SLC26A3: variants seen among roughly 807,000 people sequenced by gnomAD.
SLC26A3 encodes solute carrier family 26 member 3.
A neutral mutation model predicts 85.6 loss-of-function variants in SLC26A3; 64 were observed. The ratio of observed to expected loss-of-function variants is 0.75; its 90% CI spans 0.61 to 0.92. The LOEUF (loss-of-function observed/expected upper bound fraction) is 0.92. Ranked by LOEUF, SLC26A3 falls within the 40% of genes least tolerant of loss-of-function variation. SLC26A3 has a pLI of 0.00. For synonymous variants in SLC26A3, 349 were observed against 336.0 expected, an observed-to-expected ratio of 1.04 and a Z score of -0.42; for missense variants, 922 against 927.3, an observed-to-expected ratio of 0.99 and a Z score of 0.07.
chr7:107,790,110 T>C (rs1794367658), intron 5 of SLC26A3, among the ~76,000 whole-genome samples: 1 of 152,240 alleles, frequency 6.6e-6, no homozygotes, highest in African/African-American at 2.4e-5. Flanking sequence ...CGAGTGTCTA[T>C]CCTATTTCCT....
intron 15 of SLC26A3, among the ~76,000 whole-genome samples, 182 bp from the exon 16 acceptor site, chr7:107,775,054 C>T (rs1245693546): frequency 6.6e-6 from 1 of 152,218 alleles, no homozygotes; most frequent in Non-Finnish European, 1.5e-5. Flanking sequence ...CCATGGTCTG[C>T]TCCACCTGTA....
chr7:107,768,184 T>C (rs893891931), intron 18 of SLC26A3, among the ~76,000 whole-genome samples: 41 of 152,160 alleles, frequency 2.7e-4, no homozygotes, highest in Non-Finnish European at 7.4e-5. Context: ...TAGAAGAAAA[T>C]TCATTTAGGC....
At chr7:107,769,498 T>G (rs977915008) in intron 18 of SLC26A3, among the ~76,000 whole-genome samples, 2 of 152,186 alleles carry the variant, frequency 1.3e-5, no homozygotes, top group African/African-American at 4.8e-5. Flanking sequence ...ATACTGCATA[T>G]TCTCACTTAT....
At chr7:107,767,330 T>C (rs1338437905) in intron 20 of SLC26A3, among the ~76,000 whole-genome samples, 1 of 152,222 alleles carries the variant, frequency 6.6e-6, no homozygotes, top group African/African-American at 2.4e-5. Context: ...AAAGAAGATA[T>C]GCTCAATATT....
At position 107,787,454 on chromosome 7, in the gene SLC26A3, G is replaced by A; in HGVS notation, c.791C>T (p.Thr264Ile). The A allele has an allele frequency of 6.2e-7, 1 of 1,613,804 alleles. No homozygotes were observed. The highest frequency in any genetic ancestry group is 8.5e-7 in the Non-Finnish European group (1 of 1,179,738). ...TACAACCAAAAGGACAATCAGAGCTGTCACCAGGTCTGCAATATTAGTCTT... is the reference window on the plus strand; with the variant it reads ...TACAACCAAAAGGACAATCAGAGCTATCACCAGGTCTGCAATATTAGTCTT... ...IEKTNIADLVTALIVLLVVSI... is the reference protein window; with the variant it reads ...IEKTNIADLVIALIVLLVVSI... Residue 264 changes from threonine to isoleucine, a missense_variant, in exon 7 of 21, where the codon ACA becomes ATA. Coordinates refer to ENST00000340010, the MANE Select transcript of SLC26A3 (RefSeq NM_000111.3).
intron 6 of SLC26A3, among the ~76,000 whole-genome samples, chr7:107,788,491 G>A (rs1404742408): frequency 6.6e-6 from 1 of 152,080 alleles, no homozygotes; most frequent in Non-Finnish European, 1.5e-5. Flanking sequence ...AAAAGAATGA[G>A]ACATGCTTTT....
In SLC26A3 at chr7:107,790,717, T is replaced by C. The variant is rs549565479; in HGVS notation, c.570+331A>G. On this transcript the variant is annotated intron_variant, in intron 5 of 20. Coordinates refer to ENST00000340010, the MANE Select transcript of SLC26A3 (RefSeq NM_000111.3). ...GATTTCTTGTATACAGTTATGTTTC[T>C]TGACTCTATCAATTCCCAGATATGC... 5.3e-5 allele frequency among the ~76,000 whole-genome samples: 8 copies of C among 152,340 alleles called. No individual in the cohort carries two copies. In the East Asian group the frequency reaches 1.5e-3, roughly 29 times the overall value.
chr7:107,787,049 ATTC>A lies in SLC26A3; in HGVS notation c.889-143_889-141del. 3 of 805,646 alleles carry A rather than the reference ATTC, an allele frequency of 3.7e-6. No homozygotes were observed. The Admixed American group carries it at 6.0e-5, about 16-fold the overall frequency. The allele number at this position is 805,646 out of a possible 1,614,324, so 49.9% of individuals were successfully genotyped here. Reference sequence around the variant, plus strand: ...CCCAGGCTTTGTTACTTTTTAAGAAATTCGGAGGCAATTCTAACATGCCGCCAG... The same window carrying A: ...CCCAGGCTTTGTTACTTTTTAAGAAAGGAGGCAATTCTAACATGCCGCCAG... On this transcript the variant is annotated intron_variant, in intron 7 of 20. Transcript: ENST00000340010.
intron 3 of SLC26A3, 60 bp downstream of exon 3, chr7:107,793,682 C>A: frequency 1.5e-6 from 2 of 1,294,166 alleles, no homozygotes; most frequent in Non-Finnish European, 2.2e-6. Context: ...AGTCCCTGAG[C>A]TGTACACATT....
At chr7:107,790,055 A>G (rs1794366520) in intron 5 of SLC26A3, among the ~76,000 whole-genome samples, 2 of 152,314 alleles carry the variant, frequency 1.3e-5, no homozygotes, top group Admixed American at 6.5e-5. Flanking sequence ...AAATTTGCTG[A>G]TGTAATTTTA....
intron 18 of SLC26A3, among the ~76,000 whole-genome samples, chr7:107,768,447 A>T (rs1366985423): frequency 2.0e-5 from 3 of 152,178 alleles, no homozygotes; most frequent in African/African-American, 7.2e-5. Flanking sequence ...TACATAGATG[A>T]CTCAACCAAC....
chr7:107,788,496 G>A (rs1794335336), intron 6 of SLC26A3, among the ~76,000 whole-genome samples: 1 of 152,040 alleles, frequency 6.6e-6, no homozygotes, highest in African/African-American at 2.4e-5. Context: ...AATGAGACAT[G>A]CTTTTCAAGA....
At chr7:107,780,150 G>A (rs1156493943) in intron 11 of SLC26A3, among the ~76,000 whole-genome samples, 2 of 151,892 alleles carry the variant, frequency 1.3e-5, no homozygotes, top group Admixed American at 1.3e-4. Context: ...TCAAGGAGAT[G>A]GGGGTTGCTC....
intron 1 of SLC26A3, among the ~76,000 whole-genome samples, chr7:107,795,101 G>A (rs1170268708): frequency 1.3e-5 from 2 of 152,156 alleles, no homozygotes; most frequent in African/African-American, 2.4e-5. Flanking sequence ...GTTTCTGGGA[G>A]TTAGAGTTTT....
chr7:107,788,452 A>C (rs577618157), intron 6 of SLC26A3, among the ~76,000 whole-genome samples: 1 of 152,200 alleles, frequency 6.6e-6, no homozygotes, highest in Non-Finnish European at 1.5e-5. Flanking sequence ...TCTAAACAGG[A>C]TGCAAAAAGA....
chr7:107,793,607 T>C, intron 3 of SLC26A3, 135 bp downstream of exon 3: 1 of 674,218 alleles, frequency 1.5e-6, no homozygotes, highest in Non-Finnish European at 2.5e-6. Flanking sequence ...TAGGGGTTGG[T>C]GGTGGTGAAA....
chr7:107,788,360 A>T (rs894921599), intron 6 of SLC26A3, among the ~76,000 whole-genome samples: 2 of 152,228 alleles, frequency 1.3e-5, no homozygotes, highest in African/African-American at 4.8e-5. Context: ...AAAACTAAGA[A>T]CACTATCTGT....
intron 1 of SLC26A3, among the ~76,000 whole-genome samples, chr7:107,795,762 C>T (rs1320711027): frequency 6.6e-6 from 1 of 152,112 alleles, no homozygotes; most frequent in Non-Finnish European, 1.5e-5. Flanking sequence ...TATTACTACT[C>T]ATAATGCCCA....
chr7:107,771,357 T>C (rs1225816024), intron 18 of SLC26A3, among the ~76,000 whole-genome samples: 3 of 152,128 alleles, frequency 2.0e-5, no homozygotes, highest in Non-Finnish European at 4.4e-5. Flanking sequence ...AGGTATAGTT[T>C]GGGGATTCAT....
Sources: allele counts gnomAD v4.1 joint callset (sites outside exome capture counted in the v4.1 genomes callset), GRCh38; gene constraint gnomAD v4.1.1; transcripts MANE v1.5; gene names NCBI Gene and HGNC (gene_info 2026-07-23, HGNC 2026-07-21).